Variants in TRPC4 observed in about 807,000 individuals in gnomAD.
TRPC4 encodes the protein transient receptor potential cation channel subfamily C member 4, also known as short transient receptor potential channel 4.
Under a neutral mutation model 99.4 loss-of-function variants are expected in TRPC4, and 49 were observed. That is an observed-to-expected ratio of 0.49 (90% CI 0.39 to 0.63). The LOEUF (loss-of-function observed/expected upper bound fraction) is 0.63, where lower values mean the gene tolerates loss of function less well. Among genes scored for constraint, TRPC4 ranks in the 20% least tolerant of loss-of-function variants. The pLI, the probability that TRPC4 is intolerant of heterozygous loss-of-function variation, is 0.00. For synonymous variants in TRPC4, 454 were observed against 425.9 expected (o/e 1.07, Z -0.81); for missense variants, 898 against 1,152.9 (o/e 0.78, Z 3.20).
rs1412412276 is a variant in TRPC4, at chr13:37,816,318, T to C, written c.-27-32958A>G. 6.6e-5 allele frequency among the ~76,000 whole-genome samples: 10 copies of C among 151,776 alleles called. No homozygotes were observed. In the Admixed American group the frequency reaches 6.6e-4, roughly 10 times the overall value. On this transcript the variant is annotated intron_variant, in intron 1 of 10. Coordinates refer to ENST00000379705, the MANE Select transcript of TRPC4 (RefSeq NM_016179.4). ...ACTTAGATACACACACTGACAATAT[T>C]AGACAGATCACTGAGGCAGAAAATT...
chr13:37,696,264 C>T (rs969994896), intron 3 of TRPC4, among the ~76,000 whole-genome samples: 7 of 152,152 alleles, frequency 4.6e-5, no homozygotes, highest in African/African-American at 1.7e-4. Context: ...GGGTCTCTCC[C>T]ACAACATGTG....
intron 1 of TRPC4, among the ~76,000 whole-genome samples, chr13:37,822,116 AC>A (rs1013523800): frequency 1.3e-5 from 2 of 152,156 alleles, no homozygotes; most frequent in Admixed American, 6.6e-5. Flanking sequence ...TAAGAAATAA[AC>A]AAACAACCCC....
At chr13:37,842,371 G>GAAAAAAAAAAAAAAAAAAAAAAAAAAAA (rs1958766303) in intron 1 of TRPC4, among the ~76,000 whole-genome samples, 1 of 54,406 alleles carries the variant, frequency 1.8e-5, no homozygotes, top group Non-Finnish European at 3.8e-5. Flanking sequence ...AAAAAAAAAA[G>GAAAAAAAAAAAAAAAAAAAAAAAAAAAA]GAAAAGGAAA....
chr13:37,661,864 G>A (rs1476149764), intron 6 of TRPC4, among the ~76,000 whole-genome samples: 1 of 152,094 alleles, frequency 6.6e-6, no homozygotes, highest in Admixed American at 6.5e-5. Context: ...AAATTGAGAT[G>A]CCATCCTAGG....
intron 3 of TRPC4, among the ~76,000 whole-genome samples, chr13:37,736,866 G>A (rs1955412762): frequency 6.7e-6 from 1 of 150,176 alleles, no homozygotes; most frequent in Admixed American, 6.6e-5. Context: ...GTAGCTGCGA[G>A]TACAGACACA....
At chr13:37,695,474 C>T (rs1953874714) in intron 3 of TRPC4, among the ~76,000 whole-genome samples, 1 of 152,196 alleles carries the variant, frequency 6.6e-6, no homozygotes, top group Non-Finnish European at 1.5e-5. Flanking sequence ...ATAGGAGGAA[C>T]TACCATCTTC....
At chr13:37,641,799 G>T (rs1053428665) in intron 8 of TRPC4, among the ~76,000 whole-genome samples, 4 of 151,950 alleles carry the variant, frequency 2.6e-5, no homozygotes, top group African/African-American at 9.7e-5. Context: ...TATTTTGCAG[G>T]GTGAAGATAA....
rs144904374 is a variant in TRPC4 at position 37,776,385 on chromosome 13, T to C, written c.378+6571A>G. ...TAACTCATCTAGCTATGTCTCAATA[T>C]GGGATAAGTATTTTATGGGGAGAAA... On this transcript the variant is annotated intron_variant, in intron 2 of 10. Coordinates refer to ENST00000379705, the MANE Select transcript of TRPC4 (RefSeq NM_016179.4). Among the ~76,000 whole-genome samples, 1,414 of 151,946 alleles carry C rather than the reference T, an allele frequency of 9.3e-3. 18 individuals are homozygous for C. Among genetic ancestry groups the C allele is most frequent in the Non-Finnish European group, 0.015 (1,034 of 67,888 alleles).
chr13:37,805,870 T>C (rs982599399), intron 1 of TRPC4, among the ~76,000 whole-genome samples: 1 of 152,036 alleles, frequency 6.6e-6, no homozygotes, highest in Non-Finnish European at 1.5e-5. Flanking sequence ...ATGTCTTTAC[T>C]TGTGAAAAAT....
At position 37,636,208 on chromosome 13, in the gene TRPC4, G is replaced by A. The variant is rs568421491; in HGVS notation, c.*695C>T. Among the ~76,000 whole-genome samples, 32 of 151,908 alleles carry A rather than the reference G, an allele frequency of 2.1e-4. No homozygotes were observed. Among genetic ancestry groups the A allele is most frequent in the African/African-American group, 7.2e-4 (30 of 41,454 alleles). The stretch of plus-strand genomic sequence containing the variant: ...AGGTAATTAAAAAAACTGGAGGGGC[G>A]AGTTTTTTTCCTGACAAAATGTCGT... On this transcript the variant is annotated 3_prime_UTR_variant, in exon 11 of 11. Coordinates refer to ENST00000379705, the MANE Select transcript of TRPC4 (RefSeq NM_016179.4).
chr13:37,807,592 G>C (rs149333185), intron 1 of TRPC4, among the ~76,000 whole-genome samples: 1,754 of 152,066 alleles, frequency 0.012, 22 homozygotes, highest in South Asian at 0.031. Flanking sequence ...TTCAATTCCT[G>C]TTCCTCTGTC....
intron 3 of TRPC4, among the ~76,000 whole-genome samples, chr13:37,698,655 G>T (rs540524420): frequency 6.6e-6 from 1 of 152,224 alleles, no homozygotes; most frequent in African/African-American, 2.4e-5. Flanking sequence ...TGTAGTTTTA[G>T]TATAATATCT....
chr13:37,780,656 A>T (rs1956813520), intron 2 of TRPC4, among the ~76,000 whole-genome samples: 1 of 152,104 alleles, frequency 6.6e-6, no homozygotes. Flanking sequence ...ACCAAAGAAA[A>T]TCACAAATAA....
At chr13:37,656,221 T>C (rs765646823) in intron 6 of TRPC4, among the ~76,000 whole-genome samples, 2 of 152,188 alleles carry the variant, frequency 1.3e-5, no homozygotes, top group South Asian at 2.1e-4. Context: ...AAAGGGACCA[T>C]AATAATACAT....
intron 3 of TRPC4, among the ~76,000 whole-genome samples, chr13:37,710,265 A>G (rs1954436199): frequency 1.3e-5 from 2 of 151,942 alleles, no homozygotes; most frequent in Admixed American, 1.3e-4. Context: ...TTAATCAATG[A>G]TCCCCGGCTT....
intron 1 of TRPC4, among the ~76,000 whole-genome samples, chr13:37,861,996 C>G (rs1959374111): frequency 6.6e-6 from 1 of 151,110 alleles, no homozygotes; most frequent in South Asian, 2.1e-4. Context: ...TAGTCCAGTC[C>G]CTTCTTCATT....
chr13:37,840,429 GA>G (rs1958699956), intron 1 of TRPC4, among the ~76,000 whole-genome samples: 1 of 152,004 alleles, frequency 6.6e-6, no homozygotes, highest in Non-Finnish European at 1.5e-5. Flanking sequence ...CTTTTAATAT[GA>G]TTCCTTAGAC....
intron 1 of TRPC4, among the ~76,000 whole-genome samples, chr13:37,827,958 G>A (rs1048971931): frequency 7.2e-5 from 11 of 152,300 alleles, no homozygotes; most frequent in South Asian, 2.1e-4. Flanking sequence ...AGCCAGGTGC[G>A]GGATATAATC....
At chr13:37,849,522 T>C (rs569606874) in intron 1 of TRPC4, among the ~76,000 whole-genome samples, 115 of 152,120 alleles carry the variant, frequency 7.6e-4, no homozygotes, top group Non-Finnish European at 1.5e-3. Context: ...AATGGAAACC[T>C]CCCTTCTTGG....
Sources: allele counts gnomAD v4.1 joint callset (sites outside exome capture counted in the v4.1 genomes callset), GRCh38; gene constraint gnomAD v4.1.1; transcripts MANE v1.5; gene names NCBI Gene and HGNC (gene_info 2026-07-23, HGNC 2026-07-21).